Variants in DNAH8 observed in about 807,000 individuals in gnomAD.
DNAH8 encodes dynein axonemal heavy chain 8.
Under a neutral mutation model 562.1 loss-of-function variants are expected in DNAH8, and 382 were observed. That is an observed-to-expected ratio of 0.68 (90% confidence interval 0.63 to 0.74). DNAH8 has a LOEUF of 0.74. Among genes scored for constraint, DNAH8 ranks in the 30% least tolerant of loss-of-function variants. The probability of loss-of-function intolerance (pLI) is 0.00; values close to 1 mark genes in which losing one functional copy is unlikely to be tolerated. For synonymous variants in DNAH8, 1,881 were observed against 1,919.4 expected, an observed-to-expected ratio of 0.98 and a Z score of 0.52; for missense variants, 5,203 against 5,620.4, an observed-to-expected ratio of 0.93 and a Z score of 2.37.
intron 64 of DNAH8, 56 bp from the exon 65 acceptor site, chr6:38,909,462 T>A: frequency 6.5e-7 from 1 of 1,530,748 alleles, no homozygotes; most frequent in East Asian, 2.3e-5. Flanking sequence ...AATCTCTCTC[T>A]GGCTGACTTA....
intron 41 of DNAH8, among the ~76,000 whole-genome samples, chr6:38,855,690 T>G (rs140418511): frequency 0.011 from 1,599 of 152,286 alleles, 25 homozygotes; most frequent in African/African-American, 0.036. Flanking sequence ...AGGTTATTCT[T>G]AACTATAGTT....
chr6:38,778,503 A>T, intron 14 of DNAH8, 39 bp downstream of exon 14: 1 of 1,159,504 alleles, frequency 8.6e-7, no homozygotes, highest in Non-Finnish European at 1.3e-6. Flanking sequence ...TTCTGGGGGG[A>T]ATAACTTTAA....
At chr6:38,927,453 G>A (rs1227326418) in intron 74 of DNAH8, among the ~76,000 whole-genome samples, 1 of 152,252 alleles carries the variant, frequency 6.6e-6, no homozygotes, top group Admixed American at 6.5e-5. Context: ...AAAACCCAGG[G>A]AAATCCTAGA....
chr6:38,761,757 A>G lies in DNAH8; in HGVS notation c.1571A>G (p.Asn524Ser). The G allele has an allele frequency of 6.4e-7, 1 of 1,565,844 alleles. No individual in the cohort carries two copies. The highest frequency in any genetic ancestry group is 8.6e-7 in the Non-Finnish European group (1 of 1,160,636). The stretch of plus-strand genomic sequence containing the variant: ...GCATATATTACTGATGGAGGATTAA[A>G]CCATGTATGGGATCAGGAAACGCCA... ...CKAYITDGGL[N>S]HVWDQETPVV... The change falls in exon 11 of 93, where the codon AAC (asparagine) becomes AGC (serine). Residue 524 changes from asparagine to serine, a missense_variant. Asn to Ser is a conservative substitution (Grantham distance 46, BLOSUM62 1). Around this residue, in one of 6 missense-constraint regions of DNAH8, gnomAD observed 2,176 missense variants for 2,365.1 expected, o/e 0.92. Coordinates refer to ENST00000327475, the MANE Select transcript of DNAH8 (RefSeq NM_001206927.2).
At chr6:38,900,437 T>C (rs1252663421) in intron 62 of DNAH8, among the ~76,000 whole-genome samples, 1 of 152,194 alleles carries the variant, frequency 6.6e-6, no homozygotes, top group African/African-American at 2.4e-5. Context: ...TTCTTGTACA[T>C]GTCTGAGTAC....
In DNAH8 at chr6:38,832,307, T is replaced by G. The variant is rs1162161341; in HGVS notation, c.4189-15T>G. On this transcript the variant is annotated splice_polypyrimidine_tract_variant and intron_variant, in intron 30 of 92. Transcript: ENST00000327475. ...TTACTTTCACTCTCAGGTTGAATAT[T>G]CTTTTTTATTGTAGGTTTCAGTACA... The G allele has an allele frequency of 6.6e-7, 1 of 1,526,630 alleles. No individual in the cohort carries two copies. The allele number at this position is 1,526,630 out of a possible 1,614,324, so 94.6% of individuals were successfully genotyped here.
In DNAH8 at chr6:39,012,613, A is replaced by T. The variant is rs773062288; in HGVS notation, c.13690A>T (p.Met4564Leu). The T allele has an allele frequency of 3.1e-6, 5 of 1,613,950 alleles. No individual in the cohort carries two copies. In the South Asian group the frequency reaches 5.5e-5, roughly 18 times the overall value. ...IFEGRPNVFW[M>L]TGFFNPQGFL... ...TGAAGGGAGGCCTAATGTGTTTTGG[A>T]TGACTGGTTTCTTTAATCCCCAAGG... is the stretch of plus-strand genomic sequence containing the variant. The change falls in exon 91 of 93, where the codon ATG becomes TTG. Residue 4564 changes from methionine to leucine, a missense_variant. By Grantham distance (15) the Met-to-Leu change is conservative. This residue lies in a region of DNAH8 where 1,399 missense variants were observed against 1,518.4 expected (regional missense o/e 0.92). Transcript: ENST00000327475.
chr6:38,968,147 A>G (rs1763092689), intron 82 of DNAH8, among the ~76,000 whole-genome samples: 1 of 152,200 alleles, frequency 6.6e-6, no homozygotes, highest in African/African-American at 2.4e-5. Context: ...AATTAACTCA[A>G]AATCAATCAG....
chr6:38,807,241 C>T (rs1409302680), intron 23 of DNAH8, among the ~76,000 whole-genome samples: 2 of 152,152 alleles, frequency 1.3e-5, no homozygotes, highest in Non-Finnish European at 2.9e-5. Context: ...TAGTTATCTT[C>T]TTGTGCCCAT....
rs745600456 is a variant in DNAH8 at position 38,750,542 on chromosome 6, T to C, written c.1360T>C (p.Leu454=). 10 of 1,611,882 alleles carry C rather than the reference T, an allele frequency of 6.2e-6. No individual in the cohort carries two copies. The highest frequency in any genetic ancestry group is 1.6e-4 in the Middle Eastern group (1 of 6,074). ...ANESKDNVRY[L]YTLEKVCQPL... ...TGAATCCAAAGATAATGTCAGATAT[T>C]TGTATACTTTGGAAAAAGTGTGTCA... Residue 454 remains leucine (L), a synonymous_variant, in exon 9 of 93, where the codon TTG becomes CTG. Transcript: ENST00000327475.
At chr6:38,875,047 C>T (rs2150443894) in intron 52 of DNAH8, among the ~76,000 whole-genome samples, 1 of 152,324 alleles carries the variant, frequency 6.6e-6, no homozygotes, top group East Asian at 1.9e-4. Context: ...GCACAACTCT[C>T]TGTCTCAACC....
At chr6:38,884,758 C>T (rs1778790000) in intron 56 of DNAH8, among the ~76,000 whole-genome samples, 1 of 152,060 alleles carries the variant, frequency 6.6e-6, no homozygotes, top group East Asian at 1.9e-4. Context: ...AAAACAAAAA[C>T]AAAAAATGAA....
chr6:38,908,177 T>C, intron 64 of DNAH8, 57 bp downstream of exon 64: 1 of 992,388 alleles, frequency 1.0e-6, no homozygotes, highest in Non-Finnish European at 1.4e-6. Context: ...TTAAAGGTGC[T>C]TAGTTTGCCT....
intron 84 of DNAH8, 132 bp downstream of exon 84, chr6:38,973,945 T>C (rs929256952): frequency 4.8e-5 from 29 of 608,378 alleles, no homozygotes; most frequent in Non-Finnish European, 7.7e-5. Flanking sequence ...TATACTATAA[T>C]ACTATAATCA....
intron 26 of DNAH8, among the ~76,000 whole-genome samples, chr6:38,821,516 T>C (rs1293061475): frequency 6.6e-6 from 1 of 152,158 alleles, no homozygotes; most frequent in East Asian, 1.9e-4. Flanking sequence ...GGACCTATAA[T>C]GGCCAAAAAA....
chr6:38,764,843 GT>G (rs34794612), intron 11 of DNAH8: 3 of 151,050 alleles, frequency 2.0e-5, no homozygotes, highest in Non-Finnish European at 3.0e-5. Flanking sequence ...TTTTTTAAAT[GT>G]TTTTTTTTGA....
chr6:38,715,939 T>A (rs1223685712), intron 1 of DNAH8, among the ~76,000 whole-genome samples: 67 of 25,512 alleles, frequency 2.6e-3, no homozygotes, highest in East Asian at 0.019. Context: ...TATATATATA[T>A]ATATATATAT....
At position 38,982,348 on chromosome 6, in the gene DNAH8, G is replaced by A. The variant is rs1422203661; in HGVS notation, c.12837G>A (p.Glu4279=). The change falls in exon 86 of 93, where the codon GAG becomes GAA. Residue 4279 remains glutamate (E), a splice_region_variant and synonymous_variant. Transcript: ENST00000327475. ...TVAFLHSTVQ[E]RRKFGPLGWN... ...TACTTTTCTTTGGTGTTTTTAAGGA[G>A]CGACGAAAATTTGGCCCCTTAGGAT... The A allele has an allele frequency of 4.5e-6, 7 of 1,539,614 alleles. No homozygotes were observed. The highest frequency in any genetic ancestry group is 1.1e-5 in the South Asian group (1 of 88,856).
In DNAH8 at chr6:38,781,337, C is replaced by T. The variant is rs267601011; in HGVS notation, c.2223C>T (p.Leu741=). Residue 741 remains leucine (L), a synonymous_variant, in exon 16 of 93, where the codon CTC becomes CTT. Transcript: ENST00000327475. ...IAGKILWVRQ[L]YRRISEPINY... is the part of the protein sequence containing the mutation. ...GAAAAATACTCTGGGTGAGGCAGCT[C>T]TATCGCCGGATAAGTGAGCCCATCA... 1.9e-6 allele frequency: 3 copies of T among 1,613,820 alleles called. No individual in the cohort carries two copies. The highest frequency in any genetic ancestry group is 1.7e-6 in the Non-Finnish European group (2 of 1,179,866).
Sources: allele counts gnomAD v4.1 joint callset (sites outside exome capture counted in the v4.1 genomes callset), GRCh38; gene constraint gnomAD v4.1.1; regional missense constraint gnomAD v4.1.1; transcripts MANE v1.5; gene names NCBI Gene and HGNC (gene_info 2026-07-23, HGNC 2026-07-21).